SEM1: variants seen among roughly 807,000 people sequenced by gnomAD.
The protein encoded by SEM1 is 26S proteasome complex subunit SEM1.
In SEM1, 3 loss-of-function variants were observed where a neutral mutation model predicts 12.7. The ratio of observed to expected loss-of-function variants is 0.24; its 90% CI spans 0.11 to 0.61. The LOEUF is 0.61. SEM1 is among the 20% of genes least tolerant of loss of function. The pLI is 0.88. For missense variants in SEM1, 59 were observed against 81.3 expected, an observed-to-expected ratio of 0.73 and a Z score of 1.06; for synonymous variants, 30 against 27.8, an observed-to-expected ratio of 1.08 and a Z score of -0.25.
At chr7:96,651,627 AGTGGCGT>A (rs1189957042) in intron 2 of SEM1, among the ~76,000 whole-genome samples, 1 of 152,194 alleles carries the variant, frequency 6.6e-6, no homozygotes, top group Non-Finnish European at 1.5e-5. Context: ...GCTGGAGTGC[AGTGGCGT>A]GATCTCAGCT....
At chr7:96,624,847 G>A (rs1808007504) in intron 2 of SEM1, among the ~76,000 whole-genome samples, 1 of 152,132 alleles carries the variant, frequency 6.6e-6, no homozygotes, top group Non-Finnish European at 1.5e-5. Flanking sequence ...GTGATAGGGA[G>A]ATTCTAAAAG....
downstream of SEM1, among the ~76,000 whole-genome samples, chr7:96,670,814 G>A (rs1038620455): frequency 2.0e-5 from 3 of 152,176 alleles, no homozygotes; most frequent in Non-Finnish European, 2.9e-5. Context: ...AGCATGCAAT[G>A]TGCCTGATAT....
intron 2 of SEM1, among the ~76,000 whole-genome samples, chr7:96,659,349 G>A (rs1349104412): frequency 4.6e-5 from 7 of 152,166 alleles, no homozygotes; most frequent in Non-Finnish European, 1.0e-4. Flanking sequence ...TTGTCAAAGT[G>A]CTGACAGAAA....
chr7:96,585,721 C>G (rs1362149647), intron 2 of SEM1, among the ~76,000 whole-genome samples: 3 of 143,366 alleles, frequency 2.1e-5, no homozygotes, highest in African/African-American at 7.7e-5. Context: ...GTGGGAGTGA[C>G]CCGATTTTCC....
At chr7:96,574,277 A>G (rs549418233) in intron 2 of SEM1, among the ~76,000 whole-genome samples, 1 of 152,210 alleles carries the variant, frequency 6.6e-6, no homozygotes, top group East Asian at 1.9e-4. Flanking sequence ...ATCATTTTTT[A>G]TGGCTGCATA....
intron 2 of SEM1, among the ~76,000 whole-genome samples, chr7:96,553,999 C>G (rs1563057864): frequency 6.6e-6 from 1 of 151,612 alleles, no homozygotes; most frequent in African/African-American, 2.4e-5. Context: ...CTCTGTTTGT[C>G]TGTTGTTGGT....
At chr7:96,513,712 C>T (rs1804000951) in intron 2 of SEM1, among the ~76,000 whole-genome samples, 1 of 151,920 alleles carries the variant, frequency 6.6e-6, no homozygotes, top group Non-Finnish European at 1.5e-5. Flanking sequence ...ACCTGTAATC[C>T]CAGTTACTCG....
At chr7:96,597,692 T>TAC (rs937485125) in intron 2 of SEM1, among the ~76,000 whole-genome samples, 2 of 150,472 alleles carry the variant, frequency 1.3e-5, no homozygotes, top group African/African-American at 4.9e-5. Context: ...TATATATATA[T>TAC]ATACACACAC....
At chr7:96,644,310 T>C (rs1407156157) in intron 2 of SEM1, among the ~76,000 whole-genome samples, 1 of 152,116 alleles carries the variant, frequency 6.6e-6, no homozygotes, top group Non-Finnish European at 1.5e-5. Flanking sequence ...AATCAGAAGT[T>C]TGGATTATCT....
In SEM1 at chr7:96,576,930, C is replaced by G. The variant is rs1387785723; in HGVS notation, c.171-70232G>C. 2.0e-5 allele frequency among the ~76,000 whole-genome samples: 3 copies of G among 152,042 alleles called. No individual in the cohort carries two copies. The East Asian group carries it at 5.8e-4, about 29-fold the overall frequency. Reference sequence around the variant, plus strand: ...GTCAGGAGTTTGAGACCAGCCTGACCAACATGGTGAAACCCCGTTTCTACT... The same window carrying G: ...GTCAGGAGTTTGAGACCAGCCTGACGAACATGGTGAAACCCCGTTTCTACT... On this transcript the variant is annotated intron_variant and NMD_transcript_variant, in intron 2 of 3. Coordinates refer to the SEM1 transcript ENST00000466986.
intron 2 of SEM1, among the ~76,000 whole-genome samples, chr7:96,586,786 T>C (rs1046387635): frequency 4.6e-5 from 7 of 152,202 alleles, no homozygotes; most frequent in Non-Finnish European, 1.0e-4. Flanking sequence ...ATAGGTCCTG[T>C]TATCTTTATT....
intron 2 of SEM1, among the ~76,000 whole-genome samples, chr7:96,543,903 A>T (rs1805027692): frequency 6.6e-6 from 1 of 152,088 alleles, no homozygotes; most frequent in Non-Finnish European, 1.5e-5. Context: ...CAGCTGGCAC[A>T]ACCTGTGCAT....
At chr7:96,585,624 A>G (rs1806597538) in intron 2 of SEM1, among the ~76,000 whole-genome samples, 1 of 152,208 alleles carries the variant, frequency 6.6e-6, no homozygotes, top group African/African-American at 2.4e-5. Flanking sequence ...GCGAGACTAC[A>G]TGGGCTTAGG....
chr7:96,656,965 A>T (rs2116491505), intron 2 of SEM1, among the ~76,000 whole-genome samples: 1 of 152,126 alleles, frequency 6.6e-6, no homozygotes, highest in South Asian at 2.1e-4. Context: ...TGACTGTTAA[A>T]ATGTGCAGTC....
At chr7:96,493,083 C>T (rs892236007) in intron 1 of SEM1, among the ~76,000 whole-genome samples, 5 of 152,006 alleles carry the variant, frequency 3.3e-5, no homozygotes, top group Admixed American at 6.6e-5. Flanking sequence ...AAGTGATTGT[C>T]GTGCCTTAGC....
rs371922572 is a variant in SEM1, at chr7:96,598,517, T to A, written c.171-91819A>T. 6.6e-5 allele frequency among the ~76,000 whole-genome samples: 10 copies of A among 152,156 alleles called. No homozygotes were observed. The East Asian group carries it at 1.5e-3, about 23-fold the overall frequency. ...CTCTGATCCTACTTTTACATTTAATTAAGGTAATCCTTCAATCTACATCCT... is the reference window on the plus strand; with the variant it reads ...CTCTGATCCTACTTTTACATTTAATAAAGGTAATCCTTCAATCTACATCCT... On this transcript the variant is annotated intron_variant and NMD_transcript_variant, in intron 2 of 3. Coordinates refer to the SEM1 transcript ENST00000466986.
chr7:96,629,326 T>C (rs1404406481), intron 2 of SEM1, among the ~76,000 whole-genome samples: 1 of 152,012 alleles, frequency 6.6e-6, no homozygotes, highest in African/African-American at 2.4e-5. Context: ...GCTTCATTGC[T>C]TTTTTATTCT....
chr7:96,560,167 ATTAT>A (rs1363453827), intron 2 of SEM1, among the ~76,000 whole-genome samples: 1 of 152,116 alleles, frequency 6.6e-6, no homozygotes, highest in East Asian at 1.9e-4. Context: ...AATATATCTG[ATTAT>A]TTATTTCCTT....
intron 1 of SEM1, among the ~76,000 whole-genome samples, chr7:96,706,994 T>C (rs1263079589): frequency 6.6e-6 from 1 of 152,220 alleles, no homozygotes; most frequent in Non-Finnish European, 1.5e-5. Flanking sequence ...AATCAGGGCA[T>C]TAATACTTGA....
Sources: gnomAD v4.1 joint callset for allele counts (sites outside exome capture counted in the v4.1 genomes callset) on GRCh38, gnomAD v4.1.1 for gene constraint, MANE v1.5 for transcripts, NCBI Gene and HGNC (gene_info 2026-07-23, HGNC 2026-07-21) for gene names.